TRIML1: variants seen among roughly 807,000 people sequenced by gnomAD.
TRIML1 encodes the protein probable E3 ubiquitin-protein ligase TRIML1.
Under a neutral mutation model 32.3 loss-of-function variants are expected in TRIML1, and 34 were observed. The observed-to-expected ratio is 1.05, with a 90% CI of 0.80 to 1.40. The LOEUF (loss-of-function observed/expected upper bound fraction) is 1.40. Ranked by LOEUF, TRIML1 falls within the 40% of genes most tolerant of loss-of-function variation. TRIML1 has a pLI of 0.00. For missense variants in TRIML1, 595 were observed against 574.9 expected (o/e 1.03, Z -0.36); for synonymous variants, 244 against 226.6 (o/e 1.08, Z -0.69).
At chr4:188,150,454 C>T (rs187400722), downstream of TRIML1, among the ~76,000 whole-genome samples, 1 of 152,296 alleles carries the variant, frequency 6.6e-6, no homozygotes, top group Admixed American at 6.5e-5. Context: ...GATTTTATAT[C>T]TTGATTTCTC....
chr4:188,140,307 A>C (rs944279287), intron 1 of TRIML1, among the ~76,000 whole-genome samples: 4 of 152,176 alleles, frequency 2.6e-5, no homozygotes, highest in South Asian at 4.1e-4. Context: ...TTTTTAATAG[A>C]GACGGGGTTT....
chr4:188,150,730 G>C (rs1281450934), downstream of TRIML1, among the ~76,000 whole-genome samples: 1 of 151,432 alleles, frequency 6.6e-6, no homozygotes, highest in African/African-American at 2.4e-5. Context: ...GTGGCTCTTT[G>C]CTGCACCATT....
At chr4:188,140,083 C>CATTGGA in intron 1 of TRIML1, 117 bp downstream of exon 1, 1 of 1,063,112 alleles carries the variant, frequency 9.4e-7, no homozygotes, top group Non-Finnish European at 1.3e-6. Flanking sequence ...CTGAGCACCA[C>CATTGGA]ATCACAAACT....
At chr4:188,144,349 TC>T (rs1734976393) in intron 5 of TRIML1, among the ~76,000 whole-genome samples, 3 of 143,086 alleles carry the variant, frequency 2.1e-5, no homozygotes, top group Non-Finnish European at 4.5e-5. Flanking sequence ...GGCTTTGTTT[TC>T]TGTCTAAAGG....
upstream of TRIML1, among the ~76,000 whole-genome samples, chr4:188,138,863 C>G (rs192574607): frequency 6.6e-6 from 1 of 152,100 alleles, no homozygotes; most frequent in East Asian, 1.9e-4. Flanking sequence ...CAGGGAAGAT[C>G]AATAAACAGC....
chr4:188,143,023 C>T (rs1579165994), intron 3 of TRIML1: 1 of 152,116 alleles, frequency 6.6e-6, no homozygotes. Context: ...CACCTTTGGT[C>T]TACTGCCCTT....
rs754751945 is a variant in TRIML1 at position 188,139,542 on chromosome 4, T to C, written c.-17T>C. 5.8e-6 allele frequency: 9 copies of C among 1,552,700 alleles called. No individual in the cohort carries two copies. In the South Asian group the frequency reaches 9.8e-5, roughly 17 times the overall value. ...AGAACAGAGGTGTAACCTGGCTGCA[T>C]ATCCAGCCTCGAGAAAATGTCTACA... On this transcript the variant is annotated 5_prime_UTR_variant, in exon 1 of 6. Coordinates refer to ENST00000332517, the MANE Select transcript of TRIML1 (RefSeq NM_178556.5).
rs772506477 is a variant in TRIML1, at chr4:188,147,057, A to G, written c.1092A>G (p.Arg364=). 1 of 1,613,364 alleles carries G rather than the reference A, an allele frequency of 6.2e-7. No homozygotes were observed. Among genetic ancestry groups the G allele is most frequent in the Admixed American group, 1.7e-5 (1 of 59,882 alleles). ...GCATCTGCAAGGACTCTGTGAGCAG[A>G]AAGGGGAATCTCCCCAAGCCACCTG... ...EVGICKDSVS[R]KGNLPKPPGD... The change falls in exon 6 of 6, where the codon AGA becomes AGG. Residue 364 remains arginine, a synonymous_variant. Transcript: ENST00000332517.
rs752301460 is a variant in TRIML1 at position 188,140,581 on chromosome 4, G to A, written c.462G>A (p.Gln154=). The A allele has an allele frequency of 3.1e-6, 5 of 1,613,980 alleles. No homozygotes were observed. The African/African-American group carries it at 5.3e-5, about 17-fold the overall frequency. ...TGCGTGTAAGGAGAAAGGAAGCTCA[G>A]GCTGTACTAACCCATGAGAAGGAGA... is the stretch of plus-strand genomic sequence containing the variant. ...NLLRVRRKEA[Q]AVLTHEKERV... is the part of the protein sequence containing the mutation. Residue 154 remains glutamine, a synonymous_variant, in exon 2 of 6, where the codon CAG becomes CAA. Coordinates refer to ENST00000332517, the MANE Select transcript of TRIML1 (RefSeq NM_178556.5).
In TRIML1 at chr4:188,139,492, C is replaced by A. The variant is rs146418787; in HGVS notation, c.-67C>A. 13 of 1,476,438 alleles carry A rather than the reference C, an allele frequency of 8.8e-6. 1 individual carries two copies. The East Asian group carries it at 2.5e-4, about 29-fold the overall frequency. The allele number at this position is 1,476,438 out of a possible 1,614,324, so 91.5% of individuals were successfully genotyped here. ...CCGCGTGTTACTCAAAACTGTAGGACGGCAGTGAGGGCTTTGCTAATCCCA... is the reference window on the plus strand; with the variant it reads ...CCGCGTGTTACTCAAAACTGTAGGAAGGCAGTGAGGGCTTTGCTAATCCCA... On this transcript the variant is annotated 5_prime_UTR_variant, in exon 1 of 6. Coordinates refer to ENST00000332517, the MANE Select transcript of TRIML1 (RefSeq NM_178556.5).
intron 3 of TRIML1, 117 bp from the exon 4 acceptor site, chr4:188,143,721 T>G: frequency 6.6e-6 from 8 of 1,217,744 alleles, no homozygotes; most frequent in South Asian, 1.2e-5. Flanking sequence ...CTCCCACTCA[T>G]GGTGTGCTTC....
intron 2 of TRIML1, chr4:188,141,005 T>C (rs1734832776): frequency 6.2e-6 from 1 of 162,298 alleles, no homozygotes; most frequent in Non-Finnish European, 1.3e-5. Flanking sequence ...GAGACAGAGA[T>C]ATAAAAGCAA....
At chr4:188,141,930 G>A (rs1032266727) in intron 2 of TRIML1, among the ~76,000 whole-genome samples, 1 of 151,882 alleles carries the variant, frequency 6.6e-6, no homozygotes, top group South Asian at 2.1e-4. Context: ...TGACCAACAT[G>A]GTGAAACCCC....
At chr4:188,149,558 T>G (rs1464393796), downstream of TRIML1, among the ~76,000 whole-genome samples, 2 of 152,126 alleles carry the variant, frequency 1.3e-5, no homozygotes, top group African/African-American at 4.8e-5. Context: ...GAATCTGCTT[T>G]CTCTTGCCAC....
rs1477803195 is a variant in TRIML1 at position 188,147,188 on chromosome 4, G to T, written c.1223G>T (p.Gly408Val). Residue 408 changes from glycine to valine, a missense_variant, in exon 6 of 6, where the codon GGT becomes GTT. By Grantham distance (109) the Gly-to-Val change is moderately radical (BLOSUM62 -3). Transcript: ENST00000332517. The stretch of plus-strand genomic sequence containing the variant: ...GTCAGAGAGCCTGTGTGTAAGGTTG[G>T]TGTCTTCCTGGACTATGAATCTGGA... ...QHVREPVCKV[G>V]VFLDYESGHI... 1 of 1,613,986 alleles carries T rather than the reference G, an allele frequency of 6.2e-7. No individual in the cohort carries two copies. Among genetic ancestry groups the T allele is most frequent in the Admixed American group, 1.7e-5 (1 of 60,000 alleles).
At chr4:188,150,663 G>A (rs907039661), downstream of TRIML1, among the ~76,000 whole-genome samples, 4 of 151,782 alleles carry the variant, frequency 2.6e-5, no homozygotes, top group Admixed American at 6.6e-5. Context: ...TTGTCCCAAA[G>A]TGGTAGATAC....
At chr4:188,142,800 T>C (rs1734913743) in intron 3 of TRIML1, 2 of 243,028 alleles carry the variant, frequency 8.2e-6, no homozygotes, top group Non-Finnish European at 1.6e-5. Context: ...TACTATGTGC[T>C]GGGCACATTA....
At chr4:188,137,535 T>A (rs1734697609), upstream of TRIML1, among the ~76,000 whole-genome samples, 1 of 148,590 alleles carries the variant, frequency 6.7e-6, no homozygotes, top group Non-Finnish European at 1.5e-5. Flanking sequence ...TGGAGTGCAA[T>A]GGCGTGATCT....
chr4:188,138,678 G>T (rs1161617175), upstream of TRIML1, among the ~76,000 whole-genome samples: 1 of 152,142 alleles, frequency 6.6e-6, no homozygotes, highest in Non-Finnish European at 1.5e-5. Flanking sequence ...GGGATTTGAA[G>T]GGGCCTAGTT....
Sources: gnomAD v4.1 joint callset for allele counts (sites outside exome capture counted in the v4.1 genomes callset) on GRCh38, gnomAD v4.1.1 for gene constraint, MANE v1.5 for transcripts, NCBI Gene and HGNC (gene_info 2026-07-23, HGNC 2026-07-21) for gene names.